Variants in ADCY5 observed in about 807,000 individuals in gnomAD.
The protein encoded by ADCY5 is adenylate cyclase type 5.
ADCY5 carries 30 observed loss-of-function variants against 119.7 expected under a neutral mutation model. That is an observed-to-expected ratio of 0.25 (90% CI 0.19 to 0.34). ADCY5 has a LOEUF of 0.34. Among genes scored for constraint, ADCY5 ranks in the 10% least tolerant of loss-of-function variants. The pLI, the probability that ADCY5 is intolerant of heterozygous loss-of-function variation, is 1.00. For synonymous variants in ADCY5, 753 were observed against 762.2 expected (o/e 0.99, Z 0.20); for missense variants, 1,324 against 1,775.2 (o/e 0.75, Z 4.57).
intron 1 of ADCY5, among the ~76,000 whole-genome samples, chr3:123,432,454 C>G (rs887374818): frequency 2.6e-5 from 4 of 152,314 alleles, no homozygotes; most frequent in African/African-American, 9.6e-5. Context: ...CCCCTCCCAA[C>G]ATGGCCTGAC....
intron 1 of ADCY5, among the ~76,000 whole-genome samples, chr3:123,407,060 T>C (rs780263605): frequency 1.3e-5 from 2 of 152,170 alleles, no homozygotes; most frequent in South Asian, 2.1e-4. Context: ...CACATTTCCC[T>C]GAACTGGCTG....
intron 14 of ADCY5, among the ~76,000 whole-genome samples, chr3:123,301,099 G>A (rs918016818): frequency 1.3e-5 from 2 of 152,106 alleles, no homozygotes; most frequent in Middle Eastern, 3.2e-3. Context: ...GCTAAACCAG[G>A]TAATCTCGGA....
chr3:123,287,055 G>A (rs1265824191), intron 19 of ADCY5: 1 of 447,414 alleles, frequency 2.2e-6, no homozygotes, highest in Admixed American at 4.0e-5. Context: ...CCCTCTTCAA[G>A]GTCTCTAGTG....
rs1026845592 is a variant in ADCY5 at position 123,300,877 on chromosome 3, A to G, written c.2725-582T>C. On this transcript the variant is annotated intron_variant, in intron 14 of 20. Coordinates refer to ENST00000462833, the MANE Select transcript of ADCY5 (RefSeq NM_183357.3). ...TCATCTTTATCCTGTCCCCTGTGAC[A>G]TGCAGACATGCTACTACTGTGGAAA... is the stretch of plus-strand genomic sequence containing the variant. Among the ~76,000 whole-genome samples the G allele has an allele frequency of 3.3e-5, 5 of 152,236 alleles. No homozygotes were observed. The South Asian group carries it at 1.0e-3, about 32-fold the overall frequency.
chr3:123,423,739 G>A (rs1368403454), intron 1 of ADCY5, among the ~76,000 whole-genome samples: 4 of 152,198 alleles, frequency 2.6e-5, no homozygotes, highest in Non-Finnish European at 5.9e-5. Flanking sequence ...TCCAGTCCCA[G>A]GAGCACACTG....
At chr3:123,306,519 A>T (rs1940208154) in intron 12 of ADCY5, among the ~76,000 whole-genome samples, 1 of 152,244 alleles carries the variant, frequency 6.6e-6, no homozygotes, top group Non-Finnish European at 1.5e-5. Flanking sequence ...AAAAAGAAAA[A>T]AACAGATAAA....
At position 123,433,401 on chromosome 3, in the gene ADCY5, T is replaced by C. The variant is rs556763338; in HGVS notation, c.1134+14011A>G. On this transcript the variant is annotated intron_variant, in intron 1 of 20. Transcript: ENST00000462833. ...GTGAAATGCTTACGGGAAAGGGACTTGGCCAGAGGAAGACTGGGGACTAGG... is the reference window on the plus strand; with the variant it reads ...GTGAAATGCTTACGGGAAAGGGACTCGGCCAGAGGAAGACTGGGGACTAGG... 1.2e-3 allele frequency among the ~76,000 whole-genome samples: 178 copies of C among 152,298 alleles called. 4 individuals carry two copies. The highest frequency in any genetic ancestry group is 9.6e-4 in the African/African-American group (40 of 41,572).
intron 1 of ADCY5, among the ~76,000 whole-genome samples, chr3:123,401,546 A>C (rs1395997276): frequency 2.0e-5 from 3 of 152,214 alleles, no homozygotes; most frequent in Non-Finnish European, 2.9e-5. Flanking sequence ...AGGGAGAGAC[A>C]TCACCCTCAA....
chr3:123,352,651 A>G lies in ADCY5; in HGVS notation c.1135-70T>C, dbSNP rs779054294. 4.6e-5 allele frequency: 69 copies of G among 1,509,562 alleles called. No homozygotes were observed. The highest frequency in any genetic ancestry group is 6.2e-5 in the Non-Finnish European group (69 of 1,121,670). 93.5% of individuals were successfully genotyped at this position (1,509,562 alleles called of 1,614,324 possible). On this transcript the variant is annotated intron_variant, in intron 1 of 20. Transcript: ENST00000462833. This position sits in a 1 kb window ranked among gnomAD's most constrained non-coding sequence, Gnocchi z 4.8. The stretch of plus-strand genomic sequence containing the variant: ...CCTGGCCCCAAAGCATGAAGCCCTC[A>G]GCCCCTGTCTCAGCAAACTCACACC...
intron 1 of ADCY5, among the ~76,000 whole-genome samples, chr3:123,433,499 A>G (rs1021643170): frequency 7.9e-5 from 12 of 152,258 alleles, no homozygotes; most frequent in African/African-American, 2.7e-4. Flanking sequence ...AGATCTACTT[A>G]GCAAACGAGT....
rs748862685 is a variant in ADCY5 at position 123,335,485 on chromosome 3, C to T, written c.1407-2810G>A. ...ATGAGGACACAGAAAAGTCACCTGG[C>T]CAAGGCCACACAGGCACTGGCTCCA... On this transcript the variant is annotated intron_variant, in intron 3 of 20. Transcript: ENST00000462833. 2.4e-4 allele frequency among the ~76,000 whole-genome samples: 36 copies of T among 152,200 alleles called. 1 individual carries two copies. The highest frequency in any genetic ancestry group is 4.4e-5 in the Non-Finnish European group (3 of 68,026).
At chr3:123,313,892 A>G (rs78570115) in intron 12 of ADCY5, among the ~76,000 whole-genome samples, 8,408 of 152,234 alleles carry the variant, frequency 0.055, 774 homozygotes, top group African/African-American at 0.19. Context: ...CTCAGCAAAT[A>G]TTCACTGGGC....
At chr3:123,376,402 A>G (rs979510335) in intron 1 of ADCY5, among the ~76,000 whole-genome samples, 1 of 136,862 alleles carries the variant, frequency 7.3e-6, no homozygotes, top group African/African-American at 2.6e-5. Context: ...GCCTTCGTGC[A>G]TTTGTAAGAG....
At chr3:123,414,210 GACA>G (rs1421976894) in intron 1 of ADCY5, among the ~76,000 whole-genome samples, 1 of 152,130 alleles carries the variant, frequency 6.6e-6, no homozygotes, top group Non-Finnish European at 1.5e-5. Flanking sequence ...CTCCCAAGTG[GACA>G]ATCCCAGCAT....
At chr3:123,338,255 G>A (rs1942114274) in intron 3 of ADCY5, among the ~76,000 whole-genome samples, 1 of 152,232 alleles carries the variant, frequency 6.6e-6, no homozygotes, top group Non-Finnish European at 1.5e-5. Context: ...TATGCCAGGT[G>A]TGCGGAAACC....
At chr3:123,408,081 A>G (rs1944949821) in intron 1 of ADCY5, among the ~76,000 whole-genome samples, 1 of 152,158 alleles carries the variant, frequency 6.6e-6, no homozygotes, top group Non-Finnish European at 1.5e-5. Context: ...ATAAAAAGAA[A>G]TATCAGAGGT....
intron 3 of ADCY5, among the ~76,000 whole-genome samples, chr3:123,346,682 T>C (rs1378683749): frequency 6.6e-6 from 1 of 151,518 alleles, no homozygotes; most frequent in African/African-American, 2.4e-5. Flanking sequence ...AGAGATAATT[T>C]GCACTATTTC....
At chr3:123,330,635 A>T (rs550678547) in intron 5 of ADCY5, among the ~76,000 whole-genome samples, 1 of 152,308 alleles carries the variant, frequency 6.6e-6, no homozygotes, top group South Asian at 2.1e-4. Flanking sequence ...CCACTCCTGG[A>T]GTCTGCAGAG....
At chr3:123,383,604 G>A (rs942791669) in intron 1 of ADCY5, among the ~76,000 whole-genome samples, 1 of 152,316 alleles carries the variant, frequency 6.6e-6, no homozygotes, top group African/African-American at 2.4e-5. Context: ...AGGAATGCCA[G>A]ATGGCAAAGT....
Sources: allele counts gnomAD v4.1 joint callset (sites outside exome capture counted in the v4.1 genomes callset), GRCh38; gene constraint gnomAD v4.1.1; non-coding constraint Gnocchi (gnomAD v3.1); transcripts MANE v1.5; gene names NCBI Gene and HGNC (gene_info 2026-07-23, HGNC 2026-07-21).